The following MRPL21 variants were observed in gnomAD, a reference collection of about 807,000 sequenced individuals.
The protein encoded by MRPL21 is large ribosomal subunit protein bL21m.
MRPL21 carries 20 observed loss-of-function variants against 27.3 expected under a neutral mutation model. The ratio of observed to expected loss-of-function variants is 0.73; its 90% CI spans 0.52 to 1.06. The LOEUF is 1.06. Among genes scored for constraint, MRPL21 ranks in the 50% least tolerant of loss-of-function variants. MRPL21 has a pLI of 0.00. For missense variants in MRPL21, 249 were observed against 251.4 expected, an observed-to-expected ratio of 0.99 and a Z score of 0.06; for synonymous variants, 98 against 101.5, an observed-to-expected ratio of 0.97 and a Z score of 0.21.
intron 6 of MRPL21, chr11:68,891,987 G>A (rs1056669946): frequency 2.8e-5 from 25 of 904,928 alleles, no homozygotes; most frequent in Middle Eastern, 3.6e-4. Context: ...ACCTGCTTGC[G>A]GATTCACTGC....
Position 68,903,780 on chromosome 11 carries a change from C to G in MRPL21, c.31G>C (p.Gly11Arg). 3 of 1,612,924 alleles carry G rather than the reference C, an allele frequency of 1.9e-6. No individual in the cohort carries two copies. The highest frequency in any genetic ancestry group is 2.5e-6 in the Non-Finnish European group (3 of 1,180,012). The change falls in exon 1 of 7, where the codon GGG becomes CGG. Residue 11 changes from glycine to arginine, a missense_variant. Physicochemically the swap from Gly to Arg is moderately radical, Grantham distance 125 (BLOSUM62 -2). Coordinates refer to ENST00000362034, the MANE Select transcript of MRPL21 (RefSeq NM_181514.2). The stretch of plus-strand genomic sequence containing the variant: ...TGGCTGCACGCGGACGCCAGCCGCC[C>G]TAAGGTGACCGTCAGGGAAGATGCT... MAASSLTVTL[G>R]RLASACSHSI...
In MRPL21 at chr11:68,893,431, A is replaced by C. The variant is rs750300527; in HGVS notation, c.421T>G (p.Phe141Val). Residue 141 changes from phenylalanine to valine, a missense_variant, in exon 5 of 7, where the codon TTC (phenylalanine) becomes GTC (valine). Physicochemically the swap from Phe to Val is conservative, Grantham distance 50. Coordinates refer to ENST00000362034, the MANE Select transcript of MRPL21 (RefSeq NM_181514.2). ...AGGAGTGGCTTGCCAAGCAGCGTGAAGTTGTCTGCCCCAACCAGCAGGACC... is the reference window on the plus strand; with the variant it reads ...AGGAGTGGCTTGCCAAGCAGCGTGACGTTGTCTGCCCCAACCAGCAGGACC... Reference protein sequence around the residue: ...EKVLLVGADNFTLLGKPLLGK... With the variant: ...EKVLLVGADNVTLLGKPLLGK... 1 of 1,614,088 alleles carries C rather than the reference A, an allele frequency of 6.2e-7. No individual in the cohort carries two copies. The highest frequency in any genetic ancestry group is 8.5e-7 in the Non-Finnish European group (1 of 1,180,046).
chr11:68,903,105 A>G (rs915773030), intron 1 of MRPL21, among the ~76,000 whole-genome samples: 1 of 152,212 alleles, frequency 6.6e-6, no homozygotes. Context: ...ATATCGTCCA[A>G]TATAGAGTTA....
chr11:68,895,925 C>G lies in MRPL21; in HGVS notation c.396+590G>C, dbSNP rs556106737. Among the ~76,000 whole-genome samples, 951 of 152,280 alleles carry G rather than the reference C, an allele frequency of 6.2e-3. 8 individuals carry two copies. Among genetic ancestry groups the G allele is most frequent in the Non-Finnish European group, 7.4e-3 (505 of 68,010 alleles). On this transcript the variant is annotated intron_variant, in intron 4 of 6. Coordinates refer to ENST00000362034, the MANE Select transcript of MRPL21 (RefSeq NM_181514.2). ...GAACTCCTGAGTTCAAGCAATCCCC[C>G]ACCTTGGCCTCCCAATGTGGTGGGT...
At chr11:68,901,332 T>G (rs1857929886) in intron 1 of MRPL21, among the ~76,000 whole-genome samples, 1 of 152,048 alleles carries the variant, frequency 6.6e-6, no homozygotes, top group East Asian at 1.9e-4. Context: ...CTGGTGTGAG[T>G]TAATAAATGT....
chr11:68,898,139 A>G (rs1178573853), intron 2 of MRPL21, 127 bp from the exon 3 acceptor site: 3 of 758,378 alleles, frequency 4.0e-6, no homozygotes, highest in South Asian at 1.6e-5. Flanking sequence ...TCTTTCGGAC[A>G]GGCCCCGCCC....
intron 1 of MRPL21, among the ~76,000 whole-genome samples, chr11:68,901,206 G>A (rs1020962979): frequency 9.2e-5 from 14 of 152,190 alleles, no homozygotes; most frequent in African/African-American, 2.2e-4. Flanking sequence ...TTCTCCAGCC[G>A]CTGGCGCAGT....
intron 1 of MRPL21, among the ~76,000 whole-genome samples, chr11:68,902,886 G>A (rs1055675798): frequency 1.3e-5 from 2 of 151,434 alleles, no homozygotes; most frequent in East Asian, 3.9e-4. Flanking sequence ...GTCATAGTGG[G>A]AAACATACAA....
Position 68,892,889 on chromosome 11 carries a change from C to A in MRPL21, c.553+1G>T, listed in dbSNP as rs765895639. ...GCCCAGCGGTACTTTCTCTAACTTA[C>A]TTCTTTTCTTCTTGAAGTTTTTCCT... On this transcript the variant is annotated splice_donor_variant, in intron 6 of 6. Transcript: ENST00000362034. LOFTEE classifies it high-confidence loss of function. 2 of 1,611,032 alleles carry A rather than the reference C, an allele frequency of 1.2e-6. No individual in the cohort carries two copies. Among genetic ancestry groups the A allele is most frequent in the Non-Finnish European group, 1.7e-6 (2 of 1,178,020 alleles).
chr11:68,899,730 A>C (rs636049), intron 2 of MRPL21, among the ~76,000 whole-genome samples: 46,779 of 152,040 alleles, frequency 0.31, 7,534 homozygotes, highest in South Asian at 0.49. Flanking sequence ...TCCTATGCTC[A>C]GAATGTTTTG....
chr11:68,897,843 T>C (rs1857836081), intron 3 of MRPL21, 84 bp downstream of exon 3: 3 of 1,004,726 alleles, frequency 3.0e-6, no homozygotes, highest in South Asian at 2.6e-5. Context: ...AGCCTCGTTC[T>C]GTGGCCTGGT....
intron 2 of MRPL21, among the ~76,000 whole-genome samples, chr11:68,899,969 G>C (rs920757764): frequency 6.6e-6 from 1 of 152,144 alleles, no homozygotes; most frequent in African/African-American, 2.4e-5. Context: ...GGCTGTGAGG[G>C]GCAGCCGGAA....
intron 2 of MRPL21, among the ~76,000 whole-genome samples, chr11:68,900,049 G>T (rs1385521322): frequency 1.3e-5 from 2 of 152,184 alleles, no homozygotes; most frequent in African/African-American, 4.8e-5. Flanking sequence ...ACCAGTGAGT[G>T]GAACTTTGTC....
In MRPL21 at chr11:68,893,393, C is replaced by T. The variant is rs377113791; in HGVS notation, c.449+10G>A. The T allele has an allele frequency of 6.2e-6, 10 of 1,614,118 alleles. No homozygotes were observed. The highest frequency in any genetic ancestry group is 8.5e-6 in the Non-Finnish European group (10 of 1,180,052). On this transcript the variant is annotated intron_variant, in intron 5 of 6. Coordinates refer to ENST00000362034, the MANE Select transcript of MRPL21 (RefSeq NM_181514.2). ...GCCCCAGACAAAGCCCAGCACTTCA[C>T]AGCCATTACCCGAGGAGTGGCTTGC... is the stretch of plus-strand genomic sequence containing the variant.
intron 4 of MRPL21, among the ~76,000 whole-genome samples, chr11:68,896,229 T>A (rs1857784115): frequency 6.6e-6 from 1 of 152,164 alleles, no homozygotes; most frequent in African/African-American, 2.4e-5. Context: ...TGGAACACAA[T>A]AAAGACATGT....
In MRPL21 at chr11:68,892,530, A is replaced by C; in HGVS notation, c.553+360T>G. 1.2e-5 allele frequency: 2 copies of C among 165,574 alleles called. 1 individual carries two copies. Among genetic ancestry groups the C allele is most frequent in the African/African-American group, 4.5e-4 (2 of 4,406 alleles). 10.3% of individuals were successfully genotyped at this position (165,574 alleles called of 1,614,324 possible). ...GGGAGCGAGGTGGGGTCACGCGCGG[A>C]GGGTGGAGGAGAAGGGGAGCGAGGT... is the stretch of plus-strand genomic sequence containing the variant. On this transcript the variant is annotated intron_variant, in intron 6 of 6. Coordinates refer to ENST00000362034, the MANE Select transcript of MRPL21 (RefSeq NM_181514.2).
chr11:68,893,287 T>C (rs1857698648), intron 5 of MRPL21, 116 bp downstream of exon 5: 3 of 1,545,486 alleles, frequency 1.9e-6, no homozygotes, highest in Admixed American at 4.0e-5. Context: ...ATGTTGTGTT[T>C]GGTGTCAACA....
chr11:68,895,928 C>T (rs886939767), intron 4 of MRPL21, among the ~76,000 whole-genome samples: 4 of 152,176 alleles, frequency 2.6e-5, no homozygotes, highest in Non-Finnish European at 5.9e-5. Flanking sequence ...AATCCCCCAC[C>T]TTGGCCTCCC....
chr11:68,896,636 T>A lies in MRPL21; in HGVS notation c.275A>T (p.Tyr92Phe). Residue 92 changes from tyrosine (Y) to phenylalanine (F), a missense_variant, in exon 4 of 7, where the codon TAT (tyrosine) becomes TTT (phenylalanine). Transcript: ENST00000362034. The stretch of plus-strand genomic sequence containing the variant: ...GTGCACCACGGCAAAGAGCCTGCCA[T>A]ACTGCCCCGTGACGATCATCTCATT... ...KVNEMIVTGQ[Y>F]GRLFAVVHFA... 4.3e-6 allele frequency: 7 copies of A among 1,614,188 alleles called. No individual in the cohort carries two copies. Among genetic ancestry groups the A allele is most frequent in the Non-Finnish European group, 5.9e-6 (7 of 1,180,024 alleles).
Sources: gnomAD v4.1 joint callset for allele counts (sites outside exome capture counted in the v4.1 genomes callset) on GRCh38, gnomAD v4.1.1 for gene constraint, MANE v1.5 for transcripts, NCBI Gene and HGNC (gene_info 2026-07-23, HGNC 2026-07-21) for gene names.